USP8: variants seen among roughly 807,000 people sequenced by gnomAD.
The protein encoded by USP8 is ubiquitin specific peptidase 8, also known as ubiquitin carboxyl-terminal hydrolase 8.
Under a neutral mutation model 130.0 loss-of-function variants are expected in USP8, and 27 were observed. The observed-to-expected ratio is 0.21, with a 90% CI of 0.15 to 0.29. The LOEUF (loss-of-function observed/expected upper bound fraction) is 0.29. USP8 is among the 10% of genes least tolerant of loss of function. The probability of loss-of-function intolerance (pLI) is 1.00; values close to 1 mark genes in which losing one functional copy is unlikely to be tolerated. For missense variants in USP8, 1,029 were observed against 1,312.2 expected, an observed-to-expected ratio of 0.78 and a Z score of 3.33; for synonymous variants, 392 against 444.1, an observed-to-expected ratio of 0.88 and a Z score of 1.48.
At chr15:50,487,830 A>C (rs1461619197) in intron 12 of USP8, among the ~76,000 whole-genome samples, 1 of 152,214 alleles carries the variant, frequency 6.6e-6, no homozygotes. Context: ...CTATGTCTCT[A>C]GCACTGTGCT....
At chr15:50,430,763 T>C (rs1291785914) in intron 1 of USP8, among the ~76,000 whole-genome samples, 2 of 152,130 alleles carry the variant, frequency 1.3e-5, no homozygotes, top group African/African-American at 2.4e-5. Context: ...TATAACTGAT[T>C]TCTAGTTAAT....
intron 10 of USP8, among the ~76,000 whole-genome samples, chr15:50,478,824 G>A (rs1418990136): frequency 1.3e-5 from 2 of 152,154 alleles, no homozygotes; most frequent in Admixed American, 1.3e-4. Flanking sequence ...GGAGGCGGAG[G>A]CAGGTGGGTC....
intron 7 of USP8, chr15:50,467,092 A>AT: frequency 1.9e-6 from 1 of 536,474 alleles, no homozygotes; most frequent in South Asian, 4.2e-5. Context: ...ACCATTGGAG[A>AT]TGCTTAAGTC....
rs369128236 is a variant in USP8 at position 50,498,779 on chromosome 15, A to G, written c.3171+51A>G. 6 of 1,566,756 alleles carry G rather than the reference A, an allele frequency of 3.8e-6. No individual in the cohort carries two copies. The African/African-American group carries it at 6.8e-5, about 18-fold the overall frequency. On this transcript the variant is annotated intron_variant, in intron 19 of 19. Coordinates refer to ENST00000307179, the MANE Select transcript of USP8 (RefSeq NM_005154.5). Reference sequence around the variant, plus strand: ...TTTTTGTTTCAAAGCAAGTTTAAAAAAAGTTTTAAGTGGTTTCCTACCTCA... The same window carrying G: ...TTTTTGTTTCAAAGCAAGTTTAAAAGAAGTTTTAAGTGGTTTCCTACCTCA...
rs571546377 is a variant in USP8, at chr15:50,498,570, T to C, written c.3039-26T>C. 1.1e-5 allele frequency: 17 copies of C among 1,587,370 alleles called. No individual in the cohort carries two copies. In the African/African-American group the frequency reaches 2.3e-4, roughly 21 times the overall value. On this transcript the variant is annotated intron_variant, in intron 18 of 19. Coordinates refer to ENST00000307179, the MANE Select transcript of USP8 (RefSeq NM_005154.5). Reference sequence around the variant, plus strand: ...TCATCCTGGTATCTTCCTCTGTCAGTGTAATTGTAATGTTTTGTTCTGCAG... The same window carrying C: ...TCATCCTGGTATCTTCCTCTGTCAGCGTAATTGTAATGTTTTGTTCTGCAG...
chr15:50,472,866 C>T (rs570147120), intron 8 of USP8, among the ~76,000 whole-genome samples: 6 of 152,256 alleles, frequency 3.9e-5, no homozygotes, highest in South Asian at 4.1e-4. Flanking sequence ...GCCAAGATCA[C>T]ACCATTGCAC....
At chr15:50,496,800 ACC>A (rs1202231945) in intron 17 of USP8, 1 of 252,638 alleles carries the variant, frequency 4.0e-6, no homozygotes, top group Non-Finnish European at 7.4e-6. Context: ...GTCTTAAAGT[ACC>A]TCCAGAATGT....
At position 50,498,897 on chromosome 15, in the gene USP8, G is replaced by A. The variant is rs2052516319; in HGVS notation, c.3172-6G>A. On this transcript the variant is annotated splice_region_variant and splice_polypyrimidine_tract_variant and intron_variant, in intron 19 of 19. Transcript: ENST00000307179. ...TTGATTTTTTTTTCTATCTTGTTTG[G>A]CACAGAATCACTACGGTGGGCTGGA... The A allele has an allele frequency of 6.3e-7, 1 of 1,586,348 alleles. No homozygotes were observed.
chr15:50,464,120 G>C (rs1595940357), intron 6 of USP8, among the ~76,000 whole-genome samples: 2 of 152,248 alleles, frequency 1.3e-5, no homozygotes, highest in African/African-American at 4.8e-5. Flanking sequence ...GGAGAGTCCT[G>C]TGGTCTCTGA....
intron 5 of USP8, among the ~76,000 whole-genome samples, chr15:50,460,340 T>C (rs1307708110): frequency 7.3e-6 from 1 of 136,112 alleles, no homozygotes; most frequent in African/African-American, 2.8e-5. Context: ...AGAGTTTTAC[T>C]CTGTCGCTCA....
intron 1 of USP8, among the ~76,000 whole-genome samples, chr15:50,437,015 A>C (rs1442804440): frequency 6.6e-6 from 1 of 151,790 alleles, no homozygotes; most frequent in African/African-American, 2.4e-5. Context: ...GTTTTTTTAA[A>C]TGTGTATTTT....
intron 1 of USP8, among the ~76,000 whole-genome samples, chr15:50,435,525 T>C (rs2050067543): frequency 6.6e-6 from 1 of 152,210 alleles, no homozygotes; most frequent in South Asian, 2.1e-4. Flanking sequence ...CTACAGATAC[T>C]GAGGAATTAC....
intron 5 of USP8, among the ~76,000 whole-genome samples, chr15:50,459,714 G>A (rs1362278011): frequency 1.3e-5 from 2 of 152,058 alleles, no homozygotes; most frequent in African/African-American, 4.8e-5. Flanking sequence ...CTTAATTAGA[G>A]CAATAGAAAA....
chr15:50,435,404 C>G (rs1009001031), intron 1 of USP8, among the ~76,000 whole-genome samples: 9 of 152,028 alleles, frequency 5.9e-5, no homozygotes, highest in Non-Finnish European at 1.2e-4. Context: ...TATAAGTAAT[C>G]TTGAGATGAT....
chr15:50,436,684 G>GT (rs1230495103), intron 1 of USP8, among the ~76,000 whole-genome samples: 1 of 149,998 alleles, frequency 6.7e-6, no homozygotes, highest in Non-Finnish European at 1.5e-5. Context: ...TTTGTTTTTT[G>GT]TTTTTTGAGA....
chr15:50,500,979 G>T lies in USP8; in HGVS notation c.*1891G>T. The T allele has an allele frequency of 2.9e-6, 2 of 685,344 alleles. No homozygotes were observed. Among genetic ancestry groups the T allele is most frequent in the Non-Finnish European group, 2.5e-6 (1 of 397,740 alleles). 42.5% of individuals were successfully genotyped at this position (685,344 alleles called of 1,614,324 possible). A position where few individuals can be genotyped will look rare whatever the true frequency, so the allele number is the denominator to read the frequency against. On this transcript the variant is annotated 3_prime_UTR_variant, in exon 20 of 20. Coordinates refer to ENST00000307179, the MANE Select transcript of USP8 (RefSeq NM_005154.5). ...AGTGATAATTTTGTTGTTAAATCAT[G>T]CATATAGCCTGACTGCTATATTGCT...
At position 50,476,964 on chromosome 15, in the gene USP8, G is replaced by A. The variant is rs148200969; in HGVS notation, c.965G>A (p.Arg322Gln). 124 of 1,606,980 alleles carry A rather than the reference G, an allele frequency of 7.7e-5. No individual in the cohort carries two copies. In the African/African-American group the frequency reaches 1.3e-3, roughly 17 times the overall value. Residue 322 changes from arginine (R) to glutamine (Q), a missense_variant, in exon 9 of 20, where the codon CGA (arginine) becomes CAA (glutamine). Coordinates refer to ENST00000307179, the MANE Select transcript of USP8 (RefSeq NM_005154.5). ...TTNAKVTPPP[R>Q]RQNEEVSISL... Reference sequence around the variant, plus strand: ...AATGCTAAGGTCACTCCACCCCCACGACGCCAGAATGAAGAGGTGTCTATC... The same window carrying A: ...AATGCTAAGGTCACTCCACCCCCACAACGCCAGAATGAAGAGGTGTCTATC...
At chr15:50,459,350 G>T (rs187641091) in intron 5 of USP8, among the ~76,000 whole-genome samples, 188 bp downstream of exon 5, 1 of 152,182 alleles carries the variant, frequency 6.6e-6, no homozygotes, top group African/African-American at 2.4e-5. Context: ...TTGGGAGGCC[G>T]AGGCGGGCAG....
At position 50,513,476 on chromosome 15, in the gene USP8, G is replaced by T. The variant is rs1336553931; in HGVS notation, c.*14388G>T. The T allele has an allele frequency of 6.8e-6, 1 of 147,210 alleles. No homozygotes were observed. Among genetic ancestry groups the T allele is most frequent in the East Asian group, 2.0e-4 (1 of 4,998 alleles). 9.1% of individuals were successfully genotyped at this position (147,210 alleles called of 1,614,324 possible). On this transcript the variant is annotated 3_prime_UTR_variant, in exon 20 of 20. Coordinates refer to ENST00000307179, the MANE Select transcript of USP8 (RefSeq NM_005154.5). The stretch of plus-strand genomic sequence containing the variant: ...GCACTTTGGGAGGATGAGGGAGGTG[G>T]ATCACCTGAGGTCATGAGTTCGAGA...
Sources: gnomAD v4.1 joint callset for allele counts (sites outside exome capture counted in the v4.1 genomes callset) on GRCh38, gnomAD v4.1.1 for gene constraint, MANE v1.5 for transcripts, NCBI Gene and HGNC (gene_info 2026-07-23, HGNC 2026-07-21) for gene names.